Variants in RGS22 observed in about 807,000 individuals in gnomAD.
RGS22 encodes the protein regulator of G protein signaling 22, also known as regulator of G-protein signaling 22.
Under a neutral mutation model 172.9 loss-of-function variants are expected in RGS22, and 148 were observed. That is an observed-to-expected ratio of 0.86 (90% CI 0.75 to 0.98). The LOEUF is 0.98. Ranked by LOEUF, RGS22 falls within the 50% of genes least tolerant of loss-of-function variation. The pLI, the probability that RGS22 is intolerant of heterozygous loss-of-function variation, is 0.00. For missense variants in RGS22, 1,347 were observed against 1,440.8 expected (o/e 0.93, Z 1.05); for synonymous variants, 458 against 480.2 (o/e 0.95, Z 0.60).
chr8:99,976,073 C>T (rs1811895000), intron 23 of RGS22, among the ~76,000 whole-genome samples: 3 of 152,024 alleles, frequency 2.0e-5, no homozygotes, highest in Admixed American at 2.0e-4. Context: ...GCCTGTAGTC[C>T]CAGCTACTCA....
intron 14 of RGS22, among the ~76,000 whole-genome samples, chr8:100,018,260 G>C (rs1161770578): frequency 6.7e-6 from 1 of 149,592 alleles, no homozygotes; most frequent in South Asian, 2.1e-4. Flanking sequence ...ATCTTTTACA[G>C]TACTGAAATT....
chr8:99,986,952 G>A (rs891713786), intron 21 of RGS22, among the ~76,000 whole-genome samples: 5 of 152,016 alleles, frequency 3.3e-5, no homozygotes, highest in Admixed American at 1.3e-4. Context: ...TCTGCAGGAA[G>A]GTTCTCATTA....
chr8:100,101,772 ATAT>A (rs772440951), intron 2 of RGS22, among the ~76,000 whole-genome samples: 27 of 152,082 alleles, frequency 1.8e-4, no homozygotes, highest in Middle Eastern at 3.4e-3. Flanking sequence ...TGAGGTTCAA[ATAT>A]TATTTTGCAG....
intron 23 of RGS22, among the ~76,000 whole-genome samples, chr8:99,971,458 G>A (rs941113511): frequency 1.3e-5 from 2 of 152,146 alleles, no homozygotes; most frequent in African/African-American, 4.8e-5. Flanking sequence ...CAGATGACAG[G>A]ATTGTATATT....
intron 10 of RGS22, among the ~76,000 whole-genome samples, chr8:100,048,237 A>G (rs2131645604): frequency 6.6e-6 from 1 of 152,312 alleles, no homozygotes; most frequent in South Asian, 2.1e-4. Context: ...TATAATACTT[A>G]AAAGTAGTAG....
At chr8:100,072,054 C>T (rs559971128) in intron 5 of RGS22, 91 bp downstream of exon 5, 59 of 734,574 alleles carry the variant, frequency 8.0e-5, no homozygotes, top group Non-Finnish European at 1.2e-4. Flanking sequence ...AAAGATTTGC[C>T]ACACATGGTG....
chr8:100,062,030 A>G (rs890545198), intron 9 of RGS22, among the ~76,000 whole-genome samples: 2 of 152,230 alleles, frequency 1.3e-5, no homozygotes, highest in African/African-American at 4.8e-5. Context: ...CATTATCCTC[A>G]GCAAACTAAC....
At chr8:100,035,969 GC>G (rs1201186478) in intron 14 of RGS22, among the ~76,000 whole-genome samples, 5 of 152,082 alleles carry the variant, frequency 3.3e-5, no homozygotes, top group African/African-American at 1.2e-4. Context: ...GGAGTGGGGG[GC>G]TGGGGGTGGA....
chr8:100,036,346 T>C (rs980219071), intron 14 of RGS22, among the ~76,000 whole-genome samples: 4 of 152,158 alleles, frequency 2.6e-5, no homozygotes, highest in Admixed American at 1.3e-4. Context: ...CTTGAAGCCA[T>C]GTGGTGAAAT....
At chr8:100,012,194 G>T (rs897496300) in intron 14 of RGS22, among the ~76,000 whole-genome samples, 5 of 152,128 alleles carry the variant, frequency 3.3e-5, no homozygotes, top group Admixed American at 3.3e-4. Context: ...TCCATGACAC[G>T]CAGGAAAGCA....
intron 5 of RGS22, 30 bp downstream of exon 5, chr8:100,072,115 A>T: frequency 1.5e-5 from 20 of 1,303,706 alleles, no homozygotes; most frequent in Non-Finnish European, 1.7e-5. Flanking sequence ...TATGTATTTA[A>T]AAATACATAT....
intron 2 of RGS22, among the ~76,000 whole-genome samples, chr8:100,099,008 C>T (rs1440970877): frequency 6.6e-6 from 1 of 151,756 alleles, no homozygotes; most frequent in African/African-American, 2.4e-5. Context: ...CTCCACCTCC[C>T]AGGTTCAAGC....
At chr8:100,041,320 C>G (rs977517861) in intron 12 of RGS22, among the ~76,000 whole-genome samples, 1 of 152,040 alleles carries the variant, frequency 6.6e-6, no homozygotes, top group African/African-American at 2.4e-5. Flanking sequence ...GAAACCCCAT[C>G]TCTACTAAAA....
Position 100,040,103 on chromosome 8 carries a change from G to A in RGS22, c.1939-16C>T, listed in dbSNP as rs754258853. 2.1e-5 allele frequency: 34 copies of A among 1,601,758 alleles called. No homozygotes were observed. The South Asian group carries it at 3.7e-4, about 18-fold the overall frequency. ...CGGTTTTAACCTAGATAACAAAACAGAAGTCTATTATCCACCCAAAAACAT... is the reference window on the plus strand; with the variant it reads ...CGGTTTTAACCTAGATAACAAAACAAAAGTCTATTATCCACCCAAAAACAT... On this transcript the variant is annotated splice_polypyrimidine_tract_variant and intron_variant, in intron 12 of 27. Coordinates refer to ENST00000360863, the MANE Select transcript of RGS22 (RefSeq NM_015668.5).
At chr8:100,080,007 C>T (rs752917294) in intron 4 of RGS22, 127 bp downstream of exon 4, 6 of 658,220 alleles carry the variant, frequency 9.1e-6, no homozygotes, top group Non-Finnish European at 1.6e-5. Flanking sequence ...TTAACAAATA[C>T]TATGTGTACG....
rs749713893 is a variant in RGS22, at chr8:99,962,980, T to TA, written c.3616-3dup. The TA allele has an allele frequency of 9.6e-5, 149 of 1,555,630 alleles. No individual in the cohort carries two copies. Among genetic ancestry groups the TA allele is most frequent in the Non-Finnish European group, 1.3e-4 (146 of 1,161,480 alleles). Reference sequence around the variant, plus strand: ...ATACTTTGAGTAGCACCAGGTTGGCTAAAAAAAGCAATTTTCAAAGTTAAT... The same window carrying TA: ...ATACTTTGAGTAGCACCAGGTTGGCTAAAAAAAAGCAATTTTCAAAGTTAAT... On this transcript the variant is annotated splice_polypyrimidine_tract_variant and splice_region_variant and intron_variant, in intron 24 of 27. Coordinates refer to ENST00000360863, the MANE Select transcript of RGS22 (RefSeq NM_015668.5).
rs1027554678 is a variant in RGS22, at chr8:99,961,143, A to C, written c.*99T>G. Reference sequence around the variant, plus strand: ...AGGCTTGCTCTGATACAGACCTTCAAAAAAACAAATCACTGGAGCTTCTCA... The same window carrying C: ...AGGCTTGCTCTGATACAGACCTTCACAAAAACAAATCACTGGAGCTTCTCA... On this transcript the variant is annotated 3_prime_UTR_variant, in exon 28 of 28. Transcript: ENST00000360863. 2.2e-6 allele frequency: 1 copy of C among 450,280 alleles called. No homozygotes were observed. Among genetic ancestry groups the C allele is most frequent in the Admixed American group, 2.4e-5 (1 of 41,688 alleles). 27.9% of individuals were successfully genotyped at this position (450,280 alleles called of 1,614,324 possible). A position where few individuals can be genotyped will look rare whatever the true frequency, so the allele number is the denominator to read the frequency against.
In RGS22 at chr8:100,106,019, G is replaced by A. The variant is rs2132090902; in HGVS notation, c.-98C>T. 7 of 1,194,972 alleles carry A rather than the reference G, an allele frequency of 5.9e-6. No homozygotes were observed. The South Asian group carries it at 2.9e-4, about 49-fold the overall frequency. The allele number at this position is 1,194,972 out of a possible 1,614,324, so 74.0% of individuals were successfully genotyped here. On this transcript the variant is annotated 5_prime_UTR_variant, in exon 1 of 28. Transcript: ENST00000360863. ...AGGGCCTGAGCGACGCGGCGACGGC[G>A]CGCGGGCTCCGGAGCTACGCTGGCT...
In RGS22 at chr8:99,984,767, T is replaced by C. The variant is rs180968243; in HGVS notation, c.3181-2651A>G. Among the ~76,000 whole-genome samples the C allele has an allele frequency of 2.1e-3, 311 of 150,652 alleles. 1 individual carries two copies. Among genetic ancestry groups the C allele is most frequent in the Non-Finnish European group, 2.8e-3 (190 of 67,872 alleles). Reference sequence around the variant, plus strand: ...GCCTAATAAATATTTGTTGGATAAATAAATCCTTCCAGTCTTTACGGACAC... The same window carrying C: ...GCCTAATAAATATTTGTTGGATAAACAAATCCTTCCAGTCTTTACGGACAC... On this transcript the variant is annotated intron_variant, in intron 21 of 27. Transcript: ENST00000360863.
Sources: allele counts gnomAD v4.1 joint callset (sites outside exome capture counted in the v4.1 genomes callset), GRCh38; gene constraint gnomAD v4.1.1; transcripts MANE v1.5; gene names NCBI Gene and HGNC (gene_info 2026-07-23, HGNC 2026-07-21).